The following OSBPL10 variants were observed in gnomAD, a reference collection of about 807,000 sequenced individuals.
The protein encoded by OSBPL10 is oxysterol binding protein like 10.
OSBPL10 carries 49 observed loss-of-function variants against 81.7 expected under a neutral mutation model. The ratio of observed to expected loss-of-function variants is 0.60; its 90% CI spans 0.48 to 0.76. OSBPL10 has a LOEUF of 0.76. Ranked by LOEUF, OSBPL10 falls within the 30% of genes least tolerant of loss-of-function variation. The pLI is 0.00. For synonymous variants in OSBPL10, 419 were observed against 383.6 expected (o/e 1.09, Z -1.08); for missense variants, 923 against 987.8 (o/e 0.93, Z 0.88).
At chr3:31,812,736 A>C (rs1699721516) in intron 4 of OSBPL10, among the ~76,000 whole-genome samples, 3 of 22,184 alleles carry the variant, frequency 1.4e-4, no homozygotes, top group South Asian at 2.3e-3. Context: ...GAAAGAAAGA[A>C]AGAAAGAAAG....
At chr3:32,059,234 T>G (rs1320360817) in intron 1 of OSBPL10, among the ~76,000 whole-genome samples, 1 of 152,030 alleles carries the variant, frequency 6.6e-6, no homozygotes, top group African/African-American at 2.4e-5. Context: ...AGGTGGAGGT[T>G]GCAGTGAGCC....
At chr3:31,795,607 C>T in intron 4 of OSBPL10, 1 of 195,034 alleles carries the variant, frequency 5.1e-6, no homozygotes, top group Non-Finnish European at 1.2e-5. Flanking sequence ...TGAGTGTGGA[C>T]AATGTGGGAA....
intron 4 of OSBPL10, among the ~76,000 whole-genome samples, chr3:31,754,095 G>A (rs961905935): frequency 1.4e-4 from 21 of 151,870 alleles, no homozygotes; most frequent in Admixed American, 1.1e-3. Context: ...TTCTACCTTC[G>A]CCCTTTAATT....
intron 10 of OSBPL10, among the ~76,000 whole-genome samples, chr3:31,668,275 C>T (rs979283256): frequency 1.3e-5 from 2 of 152,038 alleles, no homozygotes; most frequent in East Asian, 1.9e-4. Flanking sequence ...AATAATATTG[C>T]TAATCTGGCA....
rs138075476 is a variant in OSBPL10 at position 31,683,943 on chromosome 3, C to A, written c.1417G>T (p.Ala473Ser). ...LTAFHEGRKG[A>S]LAKKPYNPII... Reference sequence around the variant, plus strand: ...GGGTTGTAGGGCTTCTTGGCTAAAGCGCCCTTGCGGCCCTCGTGAAAGGCT... The same window carrying A: ...GGGTTGTAGGGCTTCTTGGCTAAAGAGCCCTTGCGGCCCTCGTGAAAGGCT... The change falls in exon 8 of 12, where the codon GCT (alanine) becomes TCT (serine). Residue 473 changes from alanine to serine, a missense_variant. Coordinates refer to ENST00000396556, the MANE Select transcript of OSBPL10 (RefSeq NM_017784.5). 29 of 1,614,230 alleles carry A rather than the reference C, an allele frequency of 1.8e-5. No homozygotes were observed. The highest frequency in any genetic ancestry group is 2.4e-5 in the Non-Finnish European group (28 of 1,180,042).
chr3:31,705,372 A>G (rs1407493216), intron 6 of OSBPL10, among the ~76,000 whole-genome samples: 1 of 130,554 alleles, frequency 7.7e-6, no homozygotes, highest in African/African-American at 3.1e-5. Context: ...CAAAGAGAAG[A>G]CCCCCCCCCC....
intron 6 of OSBPL10, among the ~76,000 whole-genome samples, chr3:31,725,119 T>G (rs1334488013): frequency 1.3e-5 from 2 of 152,226 alleles, no homozygotes; most frequent in Middle Eastern, 3.2e-3. Context: ...ACAGAGCTAA[T>G]AAACTGGGTT....
At chr3:31,706,475 C>T (rs1696069028) in intron 6 of OSBPL10, among the ~76,000 whole-genome samples, 2 of 151,702 alleles carry the variant, frequency 1.3e-5, no homozygotes, top group African/African-American at 4.8e-5. Context: ...GGGAATGGTC[C>T]AATCCAAGAC....
intron 5 of OSBPL10, among the ~76,000 whole-genome samples, chr3:31,741,803 T>C (rs1283904804): frequency 6.6e-6 from 1 of 152,174 alleles, no homozygotes; most frequent in African/African-American, 2.4e-5. Flanking sequence ...GACTGAATCA[T>C]GCGGCAGGTC....
chr3:31,948,141 C>T (rs527271673), intron 1 of OSBPL10, among the ~76,000 whole-genome samples: 1 of 152,258 alleles, frequency 6.6e-6, no homozygotes, highest in South Asian at 2.1e-4. Context: ...CAGCTAACTC[C>T]CTCAATTAGT....
intron 5 of OSBPL10, among the ~76,000 whole-genome samples, chr3:31,737,070 T>C (rs762062077): frequency 1.3e-5 from 2 of 152,110 alleles, no homozygotes; most frequent in Non-Finnish European, 2.9e-5. Flanking sequence ...GAACTGGCAG[T>C]GGTAGGCTGT....
At chr3:31,893,085 G>A (rs546949638) in intron 1 of OSBPL10, among the ~76,000 whole-genome samples, 6 of 152,156 alleles carry the variant, frequency 3.9e-5, no homozygotes, top group Admixed American at 6.5e-5. Context: ...ATGTTAATGT[G>A]CTCCCTCCTA....
intron 4 of OSBPL10, among the ~76,000 whole-genome samples, chr3:31,811,264 C>G (rs1450625961): frequency 6.6e-6 from 1 of 152,166 alleles, no homozygotes; most frequent in Non-Finnish European, 1.5e-5. Flanking sequence ...CCCCTCCCCT[C>G]ACAAGAAGAC....
rs530389602 is a variant in OSBPL10 at position 31,835,340 on chromosome 3, T to A, written c.538-5109A>T. 3.4e-4 allele frequency among the ~76,000 whole-genome samples: 52 copies of A among 152,248 alleles called. 1 individual carries two copies. Among genetic ancestry groups the A allele is most frequent in the Admixed American group, 3.4e-3 (52 of 15,280 alleles). ...TAAACTAATGGAAAGTTTCCCTTAA[T>A]ACTTGCGATAAACAAAGTTCCAAAT... On this transcript the variant is annotated intron_variant, in intron 3 of 11. Transcript: ENST00000396556.
chr3:32,013,446 T>C (rs989312490), intron 2 of OSBPL10, among the ~76,000 whole-genome samples: 52 of 150,740 alleles, frequency 3.4e-4, no homozygotes, highest in African/African-American at 1.2e-3. Flanking sequence ...TTTAAAGCAG[T>C]GTGTAGAGGG....
At chr3:32,036,377 C>A (rs72855561) in intron 2 of OSBPL10, among the ~76,000 whole-genome samples, 1 of 152,130 alleles carries the variant, frequency 6.6e-6, no homozygotes, top group South Asian at 2.1e-4. Flanking sequence ...AAACAAGGAA[C>A]TATTGATTCC....
intron 4 of OSBPL10, among the ~76,000 whole-genome samples, chr3:31,802,549 CAAAAAAAAAAAAA>C (rs746823677): frequency 1.1e-5 from 1 of 95,006 alleles, no homozygotes. Flanking sequence ...GCCTGGGTAT[CAAAAAAAAAAAAA>C]AAAAAAAAAG....
intron 1 of OSBPL10, among the ~76,000 whole-genome samples, chr3:31,944,870 A>C (rs1231339490): frequency 1.5e-5 from 2 of 130,322 alleles, no homozygotes; most frequent in Admixed American, 1.6e-4. Flanking sequence ...AAAAAAAAAA[A>C]GGCCAGGCAC....
At chr3:31,693,778 A>T (rs1449012324) in intron 7 of OSBPL10, among the ~76,000 whole-genome samples, 1 of 152,170 alleles carries the variant, frequency 6.6e-6, no homozygotes, top group Non-Finnish European at 1.5e-5. Flanking sequence ...ATTAAATAAA[A>T]TTTTTTTAAG....
Sources: allele counts gnomAD v4.1 joint callset (sites outside exome capture counted in the v4.1 genomes callset), GRCh38; gene constraint gnomAD v4.1.1; transcripts MANE v1.5; gene names NCBI Gene and HGNC (gene_info 2026-07-23, HGNC 2026-07-21).